Variants in E2F1 observed in about 807,000 individuals in gnomAD.
E2F1 encodes the protein E2F transcription factor 1.
Under a neutral mutation model 36.9 loss-of-function variants are expected in E2F1, and 7 were observed. That is an observed-to-expected ratio of 0.19 (90% CI 0.11 to 0.36). E2F1 has a LOEUF of 0.36. Ranked by LOEUF, E2F1 falls within the 10% of genes least tolerant of loss-of-function variation. The pLI is 1.00. For synonymous variants in E2F1, 261 were observed against 263.1 expected (o/e 0.99, Z 0.08); for missense variants, 406 against 573.6 (o/e 0.71, Z 2.99).
chr20:33,684,252 C>T (rs1331348994), intron 1 of E2F1, among the ~76,000 whole-genome samples: 1 of 152,240 alleles, frequency 6.6e-6, no homozygotes, highest in African/African-American at 2.4e-5. Context: ...GGACAAGACC[C>T]TCAGGTTGTT....
intron 4 of E2F1, 94 bp downstream of exon 4, chr20:33,678,107 C>T (rs1322060134): frequency 1.4e-6 from 2 of 1,430,422 alleles, no homozygotes; most frequent in East Asian, 2.4e-5. Context: ...AAAATCAGAG[C>T]TCTCTCTTAA....
chr20:33,683,263 CA>C (rs1333450958), intron 1 of E2F1, among the ~76,000 whole-genome samples: 3 of 151,992 alleles, frequency 2.0e-5, no homozygotes, highest in Non-Finnish European at 4.4e-5. Context: ...CCAGCCTGAC[CA>C]ATATGGTGAA....
Position 33,676,462 on chromosome 20 carries a change from A to G in E2F1, c.*270T>C, listed in dbSNP as rs1012357691. Reference sequence around the variant, plus strand: ...TTCACCTTCATTCCCCGGTACATGCACACACACATGCTCACACACATTCAC... The same window carrying G: ...TTCACCTTCATTCCCCGGTACATGCGCACACACATGCTCACACACATTCAC... On this transcript the variant is annotated 3_prime_UTR_variant, in exon 7 of 7. Coordinates refer to ENST00000343380, the MANE Select transcript of E2F1 (RefSeq NM_005225.3). 1 of 436,340 alleles carries G rather than the reference A, an allele frequency of 2.3e-6. No homozygotes were observed. Among genetic ancestry groups the G allele is most frequent in the Non-Finnish European group, 4.1e-6 (1 of 244,990 alleles). 27.0% of individuals were successfully genotyped at this position (436,340 alleles called of 1,614,324 possible).
Position 33,680,381 on chromosome 20 carries a change from C to T in E2F1, c.297G>A (p.Gln99=), listed in dbSNP as rs1055462518. 1.9e-6 allele frequency: 3 copies of T among 1,614,186 alleles called. No homozygotes were observed. Among genetic ancestry groups the T allele is most frequent in the Non-Finnish European group, 1.7e-6 (2 of 1,180,020 alleles). ...CTGGCCCACTGCTCTCGGCCAGGTA[C>T]TGATGGTCAGTTTCCAGGTCCAGCC... ...KRRLDLETDH[Q]YLAESSGPAR... is the part of the protein sequence containing the mutation. The change falls in exon 2 of 7, where the codon CAG becomes CAA. Residue 99 remains glutamine, a synonymous_variant. Coordinates refer to ENST00000343380, the MANE Select transcript of E2F1 (RefSeq NM_005225.3).
In E2F1 at chr20:33,679,565, C is replaced by G. The variant is rs2017999478; in HGVS notation, c.572+190G>C. On this transcript the variant is annotated intron_variant, in intron 3 of 6. Coordinates refer to ENST00000343380, the MANE Select transcript of E2F1 (RefSeq NM_005225.3). The surrounding 1 kb of genome is among the most constrained non-coding windows in gnomAD (Gnocchi z 4.6). ...TCTAAAAAAGAAAAAAGTAAAGCTGCAACTGAGGTGGATATGTAAGATTTG... is the reference window on the plus strand; with the variant it reads ...TCTAAAAAAGAAAAAAGTAAAGCTGGAACTGAGGTGGATATGTAAGATTTG... Among the ~76,000 whole-genome samples the G allele has an allele frequency of 1.3e-5, 2 of 152,186 alleles. No individual in the cohort carries two copies. Among genetic ancestry groups the G allele is most frequent in the Admixed American group, 1.3e-4 (2 of 15,280 alleles).
intron 4 of E2F1, 124 bp downstream of exon 4, chr20:33,678,077 C>T: frequency 8.6e-7 from 1 of 1,156,574 alleles, no homozygotes; most frequent in Non-Finnish European, 1.2e-6. Context: ...TGAGAAAATG[C>T]TGAGCCAGGA....
chr20:33,682,357 C>T (rs2018025891), intron 1 of E2F1, among the ~76,000 whole-genome samples: 1 of 152,196 alleles, frequency 6.6e-6, no homozygotes, highest in African/African-American at 2.4e-5. Flanking sequence ...CTCCGGCCAC[C>T]TTTTGGCAGG....
intron 1 of E2F1, among the ~76,000 whole-genome samples, chr20:33,683,824 T>C (rs1391173550): frequency 2.0e-5 from 3 of 152,208 alleles, no homozygotes; most frequent in African/African-American, 7.2e-5. Flanking sequence ...ACATTAAACA[T>C]GTATTATAGT....
intron 4 of E2F1, 146 bp from the exon 5 acceptor site, chr20:33,677,686 A>G (rs2017978132): frequency 3.3e-6 from 2 of 607,100 alleles, no homozygotes; most frequent in South Asian, 4.1e-5. Context: ...CCTGAGTTTC[A>G]AGTTCCACAT....
intron 1 of E2F1, among the ~76,000 whole-genome samples, chr20:33,685,052 G>A (rs994396110): frequency 2.0e-5 from 3 of 152,146 alleles, no homozygotes; most frequent in Non-Finnish European, 2.9e-5. Flanking sequence ...GAATTCAGCC[G>A]CCTCTTCTGG....
intron 1 of E2F1, among the ~76,000 whole-genome samples, chr20:33,684,478 C>G (rs2018047070): frequency 6.6e-6 from 1 of 152,110 alleles, no homozygotes; most frequent in African/African-American, 2.4e-5. Flanking sequence ...TATCAGCATC[C>G]CCAGAAAGCA....
rs35353425 is a variant in E2F1, at chr20:33,678,658, G to GA, written c.573-306dup. Among the ~76,000 whole-genome samples, 713 of 133,540 alleles carry GA rather than the reference G, an allele frequency of 5.3e-3. 6 individuals carry two copies. Among genetic ancestry groups the GA allele is most frequent in the African/African-American group, 0.01 (381 of 36,310 alleles). The allele number at this position is 133,540 out of a possible 152,430, so 87.6% of individuals were successfully genotyped here. ...GCATTTCCAAGACATGCTGTCAAAT[G>GA]AAAAAAAAAAAAAGGCTGGGCTTGG... On this transcript the variant is annotated intron_variant, in intron 3 of 6. Coordinates refer to ENST00000343380, the MANE Select transcript of E2F1 (RefSeq NM_005225.3).
chr20:33,681,967 G>C (rs577807189), intron 1 of E2F1, among the ~76,000 whole-genome samples: 1 of 152,178 alleles, frequency 6.6e-6, no homozygotes, highest in African/African-American at 2.4e-5. Context: ...CAGAAATCTA[G>C]ACTGCCCTTG....
Position 33,678,386 on chromosome 20 carries a change from C to T in E2F1, c.573-33G>A, listed in dbSNP as rs2017985770. The T allele has an allele frequency of 2.5e-6, 4 of 1,608,566 alleles. No homozygotes were observed. The South Asian group carries it at 4.4e-5, about 18-fold the overall frequency. On this transcript the variant is annotated intron_variant, in intron 3 of 6. Transcript: ENST00000343380. ...GAGGCACCAGGGAGGGTAGGGTTAA[C>T]AGCGATTGGCCCCTCTGGCCAGGAG...
Position 33,680,199 on chromosome 20 carries a change from C to T in E2F1, c.352+127G>A, listed in dbSNP as rs2018005009. ...CCAGGTGGCCACTCCAACTGCCCAT[C>T]AGGGTCCTCAGAGGCCTGGCTCAAG... On this transcript the variant is annotated intron_variant, in intron 2 of 6. Transcript: ENST00000343380. 14 of 1,094,530 alleles carry T rather than the reference C, an allele frequency of 1.3e-5. No individual in the cohort carries two copies. In the South Asian group the frequency reaches 1.9e-4, roughly 15 times the overall value. 67.8% of individuals were successfully genotyped at this position (1,094,530 alleles called of 1,614,324 possible).
In E2F1 at chr20:33,677,221, G is replaced by A; in HGVS notation, c.950C>T (p.Thr317Ile). The A allele has an allele frequency of 6.2e-7, 1 of 1,614,178 alleles. No individual in the cohort carries two copies. The highest frequency in any genetic ancestry group is 1.1e-5 in the South Asian group (1 of 91,086). The change falls in exon 6 of 7, where the codon ACT becomes ATT. Residue 317 changes from threonine to isoleucine, a missense_variant. Physicochemically the swap from Thr to Ile is moderately conservative, Grantham distance 89 (BLOSUM62 -1). Coordinates refer to ENST00000343380, the MANE Select transcript of E2F1 (RefSeq NM_005225.3). ...AGTGGCCCTGTTCTCCTCCTCAGAA[G>A]TGACCTCCTGGGATGGGGTCTTCCC... ...SPGKTPSQEV[T>I]SEEENRATDS... is the part of the protein sequence containing the mutation.
In E2F1 at chr20:33,679,958, C is replaced by T; in HGVS notation, c.369G>A (p.Gly123=). The change falls in exon 3 of 7, where the codon GGG becomes GGA. Residue 123 remains glycine, a synonymous_variant. Coordinates refer to ENST00000343380, the MANE Select transcript of E2F1 (RefSeq NM_005225.3). This position sits in a 1 kb window ranked among gnomAD's most constrained non-coding sequence, Gnocchi z 4.6. ...RHPGKGVKSP[G]EKSRYETSLN... The stretch of plus-strand genomic sequence containing the variant: ...GTGAGGTCTCATAGCGTGACTTCTC[C>T]CCCGGGGATTTCACACCTGTGGGGG... The T allele has an allele frequency of 6.2e-7, 1 of 1,613,974 alleles. No individual in the cohort carries two copies. Among genetic ancestry groups the T allele is most frequent in the Non-Finnish European group, 8.5e-7 (1 of 1,179,890 alleles).
At chr20:33,678,380 G>C (rs1388814944) in intron 3 of E2F1, 27 bp from the exon 4 acceptor site, 6 of 1,609,532 alleles carry the variant, frequency 3.7e-6, no homozygotes, top group African/African-American at 2.7e-5. Context: ...GGGAGGGTAG[G>C]GTTAACAGCG....
Position 33,680,293 on chromosome 20 carries a change from A to C in E2F1, c.352+33T>G, listed in dbSNP as rs753064390. On this transcript the variant is annotated intron_variant, in intron 2 of 6. Coordinates refer to ENST00000343380, the MANE Select transcript of E2F1 (RefSeq NM_005225.3). ...ACATCCCTAACCTGGGCCTGGTCAC[A>C]GGGGGTCTGCCCAGCCCAAGCTCCA... is the stretch of plus-strand genomic sequence containing the variant. 2.5e-6 allele frequency: 4 copies of C among 1,605,596 alleles called. No homozygotes were observed. In the East Asian group the frequency reaches 6.7e-5, roughly 27 times the overall value.
Sources: gnomAD v4.1 joint callset for allele counts (sites outside exome capture counted in the v4.1 genomes callset) on GRCh38, gnomAD v4.1.1 for gene constraint, Gnocchi (gnomAD v3.1) non-coding constraint, MANE v1.5 for transcripts, NCBI Gene and HGNC (gene_info 2026-07-23, HGNC 2026-07-21) for gene names.